The following TENM2 variants were observed in gnomAD, a reference collection of about 807,000 sequenced individuals.
The protein encoded by TENM2 is teneurin transmembrane protein 2, also known as teneurin-2.
In TENM2, 52 loss-of-function variants were observed where a neutral mutation model predicts 245.2. The observed-to-expected ratio is 0.21, with a 90% confidence interval of 0.17 to 0.27. TENM2 has a LOEUF of 0.27. TENM2 is among the 10% of genes least tolerant of loss of function. The pLI, the probability that TENM2 is intolerant of heterozygous loss-of-function variation, is 1.00. For missense variants in TENM2, 3,046 were observed against 3,666.8 expected (o/e 0.83, Z 4.37); for synonymous variants, 1,363 against 1,438.9 (o/e 0.95, Z 1.19).
the TENM2 span, chr5:167,116,564 ATT>A: frequency 2.0e-5 from 3 of 152,146 alleles, no homozygotes; most frequent in African/African-American, 7.2e-5. Flanking sequence ...AATCATTTGG[ATT>A]GAATCATTAA....
the TENM2 span, among the ~76,000 whole-genome samples, chr5:167,248,893 C>A: frequency 4.0e-5 from 6 of 151,762 alleles, no homozygotes; most frequent in South Asian, 4.1e-4. Flanking sequence ...ACAATGTGTG[C>A]TAGAAGAAAT....
the TENM2 span, among the ~76,000 whole-genome samples, chr5:167,039,858 CAGG>C: frequency 6.6e-6 from 1 of 151,998 alleles, no homozygotes; most frequent in East Asian, 1.9e-4. Context: ...AAAAAAAGCA[CAGG>C]AGTTCACCTC....
the TENM2 span, among the ~76,000 whole-genome samples, chr5:167,164,423 A>G: frequency 1.0e-3 from 154 of 152,324 alleles, no homozygotes; most frequent in Middle Eastern, 6.8e-3. Flanking sequence ...AATTGAATGA[A>G]TGTATTCTAA....
chr5:167,601,289 T>A (rs780001289), intron 2 of TENM2, among the ~76,000 whole-genome samples: 2 of 152,266 alleles, frequency 1.3e-5, no homozygotes, highest in Non-Finnish European at 2.9e-5. Context: ...CAGTAGGCAC[T>A]AGCCACATTT....
the TENM2 span, among the ~76,000 whole-genome samples, chr5:167,279,278 C>T: frequency 6.6e-6 from 1 of 152,114 alleles, no homozygotes; most frequent in Non-Finnish European, 1.5e-5. Context: ...ACTCACTCAG[C>T]TTTTTGAATA....
At chr5:168,142,659 C>A (rs1755659175) in intron 12 of TENM2, among the ~76,000 whole-genome samples, 1 of 152,208 alleles carries the variant, frequency 6.6e-6, no homozygotes, top group Non-Finnish European at 1.5e-5. Flanking sequence ...GCACACATGG[C>A]TGGGGGCATT....
chr5:167,143,639 A>G, the TENM2 span, among the ~76,000 whole-genome samples: 1 of 152,176 alleles, frequency 6.6e-6, no homozygotes, highest in African/African-American at 2.4e-5. Flanking sequence ...TTAACCACTG[A>G]GTTGAAGTCT....
chr5:167,708,383 C>T (rs1047380445), intron 2 of TENM2, among the ~76,000 whole-genome samples: 10 of 152,136 alleles, frequency 6.6e-5, no homozygotes, highest in African/African-American at 2.4e-4. Flanking sequence ...ATATAGATGG[C>T]AGATACTGTC....
intron 2 of TENM2, among the ~76,000 whole-genome samples, chr5:167,812,338 C>T (rs559318303): frequency 2.0e-5 from 3 of 152,218 alleles, no homozygotes; most frequent in African/African-American, 7.2e-5. Context: ...GCTTCTGTCC[C>T]TGCTGAAGTG....
rs1032599989 is a variant in TENM2 at position 168,163,769 on chromosome 5, T to C, written c.2569+1012T>C. On this transcript the variant is annotated intron_variant, in intron 13 of 28. Coordinates refer to ENST00000518659, the Ensembl canonical transcript of TENM2. ...TCCAGTGTGTATATACCTTCTAAGC[T>C]ATGTGTCTACATGTAAGTGTGCATT... 2.6e-5 allele frequency among the ~76,000 whole-genome samples: 4 copies of C among 152,230 alleles called. No homozygotes were observed. The South Asian group carries it at 6.2e-4, about 24-fold the overall frequency.
the TENM2 span, among the ~76,000 whole-genome samples, chr5:167,109,358 A>T: frequency 6.6e-6 from 1 of 152,010 alleles, no homozygotes; most frequent in Admixed American, 6.6e-5. Flanking sequence ...GGCTCAGCTT[A>T]AAAGATTTCT....
chr5:168,164,132 G>A (rs907628163), intron 13 of TENM2, among the ~76,000 whole-genome samples: 10 of 152,156 alleles, frequency 6.6e-5, no homozygotes, highest in South Asian at 2.1e-4. Context: ...GGCTCTTTCC[G>A]CCTTTAATAT....
intron 2 of TENM2, among the ~76,000 whole-genome samples, chr5:167,851,140 T>C (rs977072009): frequency 2.6e-5 from 4 of 151,990 alleles, no homozygotes; most frequent in African/African-American, 2.4e-5. Context: ...ATTATGTTGA[T>C]TGGAGTAAGT....
the TENM2 span, among the ~76,000 whole-genome samples, chr5:167,187,030 A>T: frequency 6.6e-6 from 1 of 152,220 alleles, no homozygotes; most frequent in Non-Finnish European, 1.5e-5. Context: ...GTCTTCAGAC[A>T]CACAGTTGTC....
At chr5:167,819,623 A>C (rs572857050) in intron 2 of TENM2, among the ~76,000 whole-genome samples, 1 of 152,334 alleles carries the variant, frequency 6.6e-6, no homozygotes, top group Non-Finnish European at 1.5e-5. Context: ...CTCCTCCAAA[A>C]GAGGAAGTTC....
the TENM2 span, among the ~76,000 whole-genome samples, chr5:167,026,894 A>G: frequency 6.6e-6 from 1 of 152,206 alleles, no homozygotes; most frequent in Non-Finnish European, 1.5e-5. Context: ...CGAATGAGCT[A>G]CTTGAAGCAG....
chr5:167,181,815 A>G, the TENM2 span, among the ~76,000 whole-genome samples: 1 of 152,096 alleles, frequency 6.6e-6, no homozygotes, highest in East Asian at 1.9e-4. Flanking sequence ...AAATTGTTCT[A>G]TTTTTGCTTT....
intron 1 of TENM2, among the ~76,000 whole-genome samples, chr5:167,351,241 CTTA>C (rs1403016051): frequency 6.6e-6 from 1 of 151,310 alleles, no homozygotes; most frequent in Admixed American, 6.6e-5. Context: ...CAATTAATTT[CTTA>C]TTCCCATGAA....
intron 2 of TENM2, among the ~76,000 whole-genome samples, chr5:167,658,037 T>G (rs1754965410): frequency 6.6e-6 from 1 of 152,188 alleles, no homozygotes. Context: ...AGTCTGTTAG[T>G]GCTGTTATGA....
Sources: gnomAD v4.1 joint callset for allele counts (sites outside exome capture counted in the v4.1 genomes callset) on GRCh38, gnomAD v4.1.1 for gene constraint, MANE v1.5 for transcripts, NCBI Gene and HGNC (gene_info 2026-07-23, HGNC 2026-07-21) for gene names.